Variants in MYO15B observed in about 807,000 individuals in gnomAD.
The protein encoded by MYO15B is myosin XVB pseudogene.
In MYO15B, 207 loss-of-function variants were observed where a neutral mutation model predicts 119.3. The ratio of observed to expected loss-of-function variants is 1.73; its 90% confidence interval spans 1.55 to 1.95. The LOEUF is 1.95. Ranked by LOEUF, MYO15B falls within the 30% of genes most tolerant of loss-of-function variation. The pLI, the probability that MYO15B is intolerant of heterozygous loss-of-function variation, is 0.00. For missense variants in MYO15B, 2,264 were observed against 1,203.1 expected (o/e 1.88, Z -13.04); for synonymous variants, 966 against 498.9 (o/e 1.94, Z -12.48).
In MYO15B at chr17:75,626,024, G is replaced by A. The variant is rs993973996; in HGVS notation, c.9072+47G>A. ...GCACTGGCCTAGGGACCCTTGGGCT[G>A]TTCCATCACCCACAATGACCCCTCC... On this transcript the variant is annotated intron_variant, in intron 62 of 63. Coordinates refer to ENST00000645453, the Ensembl canonical transcript of MYO15B. 1.7e-5 allele frequency: 12 copies of A among 697,566 alleles called. No homozygotes were observed. The Admixed American group carries it at 2.2e-4, about 13-fold the overall frequency. The allele number at this position is 697,566 out of a possible 1,614,324, so 43.2% of individuals were successfully genotyped here.
chr17:75,601,705 C>T, intron 15 of MYO15B, 142 bp downstream of exon 15: 1 of 616,814 alleles, frequency 1.6e-6, no homozygotes, highest in Non-Finnish European at 2.9e-6. Context: ...GAGCCATGGG[C>T]CCTGCCCAGT....
At chr17:75,617,857 G>A (rs749108357) in exon 42 of MYO15B, 9 of 702,786 alleles carry the variant, frequency 1.3e-5, no homozygotes, top group East Asian at 2.7e-5. Flanking sequence ...CCAGCTACTC[G>A]CGCCCTCTGG....
intron 31 of MYO15B, 43 bp from the exon 32 acceptor site, chr17:75,614,730 C>T (rs1159574950): frequency 1.4e-6 from 1 of 702,694 alleles, no homozygotes; most frequent in South Asian, 1.5e-5. Flanking sequence ...ATGGGAAGCC[C>T]CACGCCCCGG....
chr17:75,617,435 G>A (rs2058441436), intron 41 of MYO15B, 131 bp downstream of exon 41: 1 of 564,676 alleles, frequency 1.8e-6, no homozygotes, highest in Non-Finnish European at 3.1e-6. Flanking sequence ...TCTGGACTTT[G>A]GAGCCATACG....
At chr17:75,597,337 T>C (rs1197076180) in intron 14 of MYO15B, among the ~76,000 whole-genome samples, 1 of 152,226 alleles carries the variant, frequency 6.6e-6, no homozygotes, top group African/African-American at 2.4e-5. Context: ...GACTGCCTCC[T>C]GCCTGCTCAG....
chr17:75,606,715 C>T (rs1018047341), intron 21 of MYO15B, among the ~76,000 whole-genome samples: 8 of 152,046 alleles, frequency 5.3e-5, no homozygotes, highest in East Asian at 1.9e-4. Flanking sequence ...TCAGGTGATC[C>T]GCCCGCCTCA....
chr17:75,613,739 C>T (rs1438895950), exon 29 of MYO15B: 1 of 702,522 alleles, frequency 1.4e-6, no homozygotes, highest in Admixed American at 2.0e-5. Flanking sequence ...AGTCTTGGAC[C>T]ACCGGGGAGC....
rs1456434837 is a variant in MYO15B at position 75,617,791 on chromosome 17, A to G, written c.6815-19A>G. ...CTGCAGCCCCTCACTGAGGCTCCTC[A>G]CCCCCTCCTCTCTGCCAGGCTTGAC... On this transcript the variant is annotated intron_variant, in intron 41 of 63. Transcript: ENST00000645453. 1.4e-6 allele frequency: 1 copy of G among 694,970 alleles called. No homozygotes were observed. Among genetic ancestry groups the G allele is most frequent in the Non-Finnish European group, 2.6e-6 (1 of 379,712 alleles). 43.1% of individuals were successfully genotyped at this position (694,970 alleles called of 1,614,324 possible).
Position 75,625,118 on chromosome 17 carries a change from C to T in MYO15B, c.8689-5C>T, listed in dbSNP as rs978849506. 1.4e-6 allele frequency: 1 copy of T among 692,994 alleles called. No homozygotes were observed. The highest frequency in any genetic ancestry group is 2.6e-6 in the Non-Finnish European group (1 of 378,296). The allele number at this position is 692,994 out of a possible 1,614,324, so 42.9% of individuals were successfully genotyped here. On this transcript the variant is annotated splice_region_variant and splice_polypyrimidine_tract_variant and intron_variant, in intron 59 of 63. Transcript: ENST00000645453. ...GCTGCCCTCCTCACCGTGCTCCCCG[C>T]ACAGGTGCTGTGGGACTACCTTCAG...
At chr17:75,591,204 A>G in exon 4 of MYO15B, 1 of 702,898 alleles carries the variant, frequency 1.4e-6, no homozygotes, top group Admixed American at 2.0e-5. Context: ...TCAGCCTATG[A>G]CCTGGCTCAG....
At chr17:75,624,241 C>T (rs1568233890) in exon 56 of MYO15B, 1 of 702,814 alleles carries the variant, frequency 1.4e-6, no homozygotes, top group East Asian at 2.7e-5. Context: ...CGGCGGATGC[C>T]CCCACCGGGT....
intron 21 of MYO15B, among the ~76,000 whole-genome samples, chr17:75,608,192 C>T (rs1205872861): frequency 1.3e-5 from 2 of 152,132 alleles, no homozygotes; most frequent in Non-Finnish European, 2.9e-5. Context: ...CATCTCAGCT[C>T]ACTGCAACCT....
At chr17:75,623,490 C>T (rs11869839) in intron 53 of MYO15B, among the ~76,000 whole-genome samples, 3,063 of 152,208 alleles carry the variant, frequency 0.02, 92 homozygotes, top group African/African-American at 0.064. Context: ...GTTAGCTGGG[C>T]GTGGTGGCAC....
intron 59 of MYO15B, 30 bp from the exon 60 acceptor site, chr17:75,625,093 G>A (rs1030205088): frequency 2.1e-5 from 14 of 674,000 alleles, no homozygotes; most frequent in African/African-American, 7.0e-5. Flanking sequence ...TTGGACCACC[G>A]CTGCCCTCCT....
intron 52 of MYO15B, 80 bp from the exon 53 acceptor site, chr17:75,621,923 GC>G (rs943744598): frequency 1.3e-5 from 9 of 681,938 alleles, no homozygotes; most frequent in African/African-American, 1.2e-4. Flanking sequence ...GCAGGTGAAG[GC>G]CCTGCACAGC....
intron 14 of MYO15B, among the ~76,000 whole-genome samples, chr17:75,598,295 T>C (rs1377148465): frequency 7.1e-6 from 1 of 140,198 alleles, no homozygotes; most frequent in African/African-American, 2.6e-5. Flanking sequence ...GAAAAGAAAA[T>C]GGGCCAGGCG....
At position 75,624,525 on chromosome 17, in the gene MYO15B, G is replaced by T; in HGVS notation, c.8446-18G>T. On this transcript the variant is annotated intron_variant, in intron 57 of 63. Transcript: ENST00000645453. The stretch of plus-strand genomic sequence containing the variant: ...CCCAGCCTCCCTCCCCCTCATCACA[G>T]TCTGTCCACATGCCCAGGTAGCAGC... 1 of 703,132 alleles carries T rather than the reference G, an allele frequency of 1.4e-6. No individual in the cohort carries two copies. 43.6% of individuals were successfully genotyped at this position (703,132 alleles called of 1,614,324 possible).
chr17:75,591,187 C>T (rs2290455), exon 4 of MYO15B: 131,623 of 702,780 alleles, frequency 0.19, 13,523 homozygotes, highest in Non-Finnish European at 0.22. Flanking sequence ...TCTTTGCCAT[C>T]GTGGCATCAG....
intron 22 of MYO15B, 50 bp from the exon 23 acceptor site, chr17:75,610,850 C>A: frequency 1.4e-6 from 1 of 702,764 alleles, no homozygotes. Flanking sequence ...GAGGTGCCCC[C>A]AGGTGACTCA....
Sources: gnomAD v4.1 joint callset for allele counts (sites outside exome capture counted in the v4.1 genomes callset) on GRCh38, gnomAD v4.1.1 for gene constraint, MANE v1.5 for transcripts, NCBI Gene and HGNC (gene_info 2026-07-23, HGNC 2026-07-21) for gene names.